LZTFL1: variants seen among roughly 807,000 people sequenced by gnomAD.
LZTFL1 encodes the protein leucine zipper transcription factor-like protein 1.
A neutral mutation model predicts 45.9 loss-of-function variants in LZTFL1; 25 were observed. The ratio of observed to expected loss-of-function variants is 0.54; its 90% CI spans 0.40 to 0.76. The LOEUF is 0.76. Ranked by LOEUF, LZTFL1 falls within the 30% of genes least tolerant of loss-of-function variation. LZTFL1 has a pLI of 0.00. For missense variants in LZTFL1, 277 were observed against 331.1 expected (o/e 0.84, Z 1.27); for synonymous variants, 93 against 117.4 (o/e 0.79, Z 1.35).
chr3:45,883,080 G>A (rs1367020294), intron 2 of LZTFL1, among the ~76,000 whole-genome samples: 1 of 152,026 alleles, frequency 6.6e-6, no homozygotes, highest in East Asian at 1.9e-4. Context: ...TTTCTTCCTA[G>A]GATTTAGAAA....
At chr3:45,874,287 G>A (rs1027047511) in intron 2 of LZTFL1, among the ~76,000 whole-genome samples, 1 of 152,128 alleles carries the variant, frequency 6.6e-6, no homozygotes, top group African/African-American at 2.4e-5. Context: ...GTGGCCATTT[G>A]GGGTTGTGGG....
intron 2 of LZTFL1, among the ~76,000 whole-genome samples, chr3:45,877,121 C>T (rs1231418667): frequency 2.0e-5 from 3 of 152,066 alleles, no homozygotes; most frequent in Non-Finnish European, 2.9e-5. Context: ...CGAATAAAAT[C>T]GTGAAACTAT....
At chr3:45,853,556 C>T (rs1479241088) in intron 4 of LZTFL1, among the ~76,000 whole-genome samples, 1 of 152,190 alleles carries the variant, frequency 6.6e-6, no homozygotes, top group Non-Finnish European at 1.5e-5. Flanking sequence ...GTATTTTCTT[C>T]TCTTCTTGCT....
At chr3:45,887,634 C>T (rs1011717680) in intron 2 of LZTFL1, among the ~76,000 whole-genome samples, 7 of 152,228 alleles carry the variant, frequency 4.6e-5, no homozygotes, top group African/African-American at 1.7e-4. Context: ...TACTCCCTTT[C>T]CTGAACGAGC....
chr3:45,907,863 T>C (rs1230675682), intron 2 of LZTFL1, among the ~76,000 whole-genome samples: 1 of 152,198 alleles, frequency 6.6e-6, no homozygotes, highest in Non-Finnish European at 1.5e-5. Context: ...CAGCAACAGG[T>C]ACAGTGCCCA....
At chr3:45,908,369 T>A (rs148167793) in intron 2 of LZTFL1, among the ~76,000 whole-genome samples, 2 of 152,214 alleles carry the variant, frequency 1.3e-5, no homozygotes, top group African/African-American at 4.8e-5. Flanking sequence ...TCATTCAACA[T>A]TTATTGAGCA....
At chr3:45,842,304 C>CCCAACCCTCCCGCTACCTTCT, upstream of LZTFL1, 2 of 714,500 alleles carry the variant, frequency 2.8e-6, no homozygotes, top group Non-Finnish European at 4.3e-6. Context: ...CAGAAGGTAG[C>CCCAACCCTCCCGCTACCTTCT]GGGAGGGTTG....
chr3:45,885,745 A>T (rs562954999), intron 2 of LZTFL1, among the ~76,000 whole-genome samples: 1 of 152,218 alleles, frequency 6.6e-6, no homozygotes, highest in African/African-American at 2.4e-5. Context: ...TTTTTGATAC[A>T]GGGTCTCAGT....
chr3:45,887,390 T>C (rs918668657), intron 2 of LZTFL1, among the ~76,000 whole-genome samples: 3 of 152,164 alleles, frequency 2.0e-5, no homozygotes, highest in Non-Finnish European at 4.4e-5. Context: ...ATGTTGGCAT[T>C]TTGGGGATTT....
intron 2 of LZTFL1, among the ~76,000 whole-genome samples, chr3:45,859,363 C>T (rs1383401395): frequency 6.6e-6 from 1 of 151,892 alleles, no homozygotes; most frequent in Non-Finnish European, 1.5e-5. Flanking sequence ...GTAGCTGGGA[C>T]TATAGGCACT....
chr3:45,906,775 G>GGT (rs1702687954), intron 2 of LZTFL1, among the ~76,000 whole-genome samples: 1 of 152,184 alleles, frequency 6.6e-6, no homozygotes, highest in Admixed American at 6.5e-5. Context: ...TTTCACCGGA[G>GGT]GTGTGTGTGT....
At chr3:45,834,827 C>T (rs1700922785) in intron 3 of LZTFL1, 1 of 152,712 alleles carries the variant, frequency 6.5e-6, no homozygotes, top group Non-Finnish European at 1.5e-5. Context: ...AGAGTGTTAA[C>T]AGCAGTCAGC....
intron 2 of LZTFL1, chr3:45,902,016 C>A: frequency 2.3e-6 from 2 of 853,060 alleles, no homozygotes; most frequent in Non-Finnish European, 3.6e-6. Flanking sequence ...AGGGATGAAT[C>A]TGAACTATAT....
chr3:45,884,962 G>C (rs917116957), intron 2 of LZTFL1, among the ~76,000 whole-genome samples: 3 of 149,906 alleles, frequency 2.0e-5, no homozygotes, highest in African/African-American at 7.5e-5. Flanking sequence ...AGCGCCCGCC[G>C]AGGGAAGGGA....
chr3:45,880,412 G>T (rs1235214412), intron 2 of LZTFL1, among the ~76,000 whole-genome samples: 1 of 152,142 alleles, frequency 6.6e-6, no homozygotes, highest in African/African-American at 2.4e-5. Context: ...TGAGACAGGA[G>T]AATCACTTGA....
intron 3 of LZTFL1, among the ~76,000 whole-genome samples, chr3:45,856,399 G>A (rs769244695): frequency 1.3e-5 from 2 of 152,232 alleles, no homozygotes; most frequent in Non-Finnish European, 2.9e-5. Context: ...ATGGATTAAA[G>A]ACTTAAATGT....
At chr3:45,895,328 A>G (rs1333954444) in intron 2 of LZTFL1, among the ~76,000 whole-genome samples, 1 of 152,252 alleles carries the variant, frequency 6.6e-6, no homozygotes, top group Non-Finnish European at 1.5e-5. Context: ...TGGGCACATT[A>G]GTTGTATTTC....
chr3:45,835,435 C>G (rs1315328458), intron 3 of LZTFL1, 155 bp downstream of exon 3: 1 of 637,642 alleles, frequency 1.6e-6, no homozygotes. Flanking sequence ...TAGTGGTACC[C>G]AAGAGATCAC....
chr3:45,842,096 A>C lies in LZTFL1; in HGVS notation c.-105T>G. On this transcript the variant is annotated 5_prime_UTR_variant, in exon 1 of 10. Transcript: ENST00000296135. ...GTTGGACCACAGAAAATGGGGAAGGAGGGTAGGTTGTTTAGAAGCCTCTGG... is the reference window on the plus strand; with the variant it reads ...GTTGGACCACAGAAAATGGGGAAGGCGGGTAGGTTGTTTAGAAGCCTCTGG... 2 of 1,563,058 alleles carry C rather than the reference A, an allele frequency of 1.3e-6. No homozygotes were observed. The highest frequency in any genetic ancestry group is 1.7e-6 in the Non-Finnish European group (2 of 1,157,526).
Sources: allele counts gnomAD v4.1 joint callset (sites outside exome capture counted in the v4.1 genomes callset), GRCh38; gene constraint gnomAD v4.1.1; transcripts MANE v1.5; gene names NCBI Gene and HGNC (gene_info 2026-07-23, HGNC 2026-07-21).